SDF4: variants seen among roughly 807,000 people sequenced by gnomAD.
The protein encoded by SDF4 is 45 kDa calcium-binding protein.
SDF4 carries 22 observed loss-of-function variants against 34.2 expected under a neutral mutation model. The observed-to-expected ratio is 0.64, with a 90% CI of 0.46 to 0.92. The LOEUF (loss-of-function observed/expected upper bound fraction) is 0.92. Ranked by LOEUF, SDF4 falls within the 40% of genes least tolerant of loss-of-function variation. SDF4 has a pLI of 0.00. For missense variants in SDF4, 447 were observed against 499.9 expected (o/e 0.89, Z 1.01); for synonymous variants, 236 against 203.1 (o/e 1.16, Z -1.38).
chr1:1,217,736 C>T lies in SDF4; in HGVS notation c.892-48G>A. On this transcript the variant is annotated intron_variant, in intron 6 of 6. Transcript: ENST00000360001. This position sits in a 1 kb window ranked among gnomAD's most constrained non-coding sequence, Gnocchi z 8.5. ...TCAGCGTCGCCTTTCCCCCTCCGAG[C>T]TCCGCGGCCAGCCGCACGAAGTGGC... 6.2e-7 allele frequency: 1 copy of T among 1,610,548 alleles called. No individual in the cohort carries two copies. Among genetic ancestry groups the T allele is most frequent in the Non-Finnish European group, 8.5e-7 (1 of 1,178,710 alleles).
chr1:1,219,058 T>G lies in SDF4; in HGVS notation c.557-131A>C, dbSNP rs1008332172. ...GAGACCGGGGCCCCACCCTCCAGGA[T>G]TCACACGTCCCCAGAACATGGCCCA... On this transcript the variant is annotated intron_variant, in intron 4 of 6. Coordinates refer to ENST00000360001, the MANE Select transcript of SDF4 (RefSeq NM_016176.6). 1.4e-5 allele frequency: 22 copies of G among 1,579,008 alleles called. No homozygotes were observed. In the African/African-American group the frequency reaches 2.7e-4, roughly 20 times the overall value.
At chr1:1,223,209 T>G in intron 4 of SDF4, 35 bp downstream of exon 4, 35 of 1,450,922 alleles carry the variant, frequency 2.4e-5, no homozygotes, top group Non-Finnish European at 2.9e-5. Flanking sequence ...ACAGGATGCC[T>G]GAGACCGGTG....
intron 4 of SDF4, chr1:1,219,158 A>G: frequency 7.1e-7 from 1 of 1,407,642 alleles, no homozygotes; most frequent in Admixed American, 2.5e-5. Flanking sequence ...CCAAAGGCAT[A>G]GCTTGGACCC....
intron 2 of SDF4, chr1:1,227,323 C>CGGCGG (rs1557520978): frequency 1.0e-4 from 15 of 148,900 alleles, no homozygotes; most frequent in South Asian, 3.9e-4. Flanking sequence ...CCAGGCCCTG[C>CGGCGG]GGGAAGGCGA....
At position 1,228,470 on chromosome 1, in the gene SDF4, G is replaced by A; in HGVS notation, c.303C>T (p.Ser101=). The part of the protein sequence containing the change: ...RSRRKLMVIF[S]KVDVNTDRKI... ...TCTGGGCACATGGCGGCACCTACTT[G>A]GAAAAGATGACCATCAGCTTCCTCC... Residue 101 remains serine (S), a splice_region_variant and synonymous_variant, in exon 2 of 7, where the codon TCC becomes TCT. Transcript: ENST00000360001. 2 of 1,600,766 alleles carry A rather than the reference G, an allele frequency of 1.2e-6. No individual in the cohort carries two copies. The highest frequency in any genetic ancestry group is 1.7e-6 in the Non-Finnish European group (2 of 1,171,906).
At chr1:1,220,626 C>T (rs1649889820) in intron 4 of SDF4, 9 of 1,289,020 alleles carry the variant, frequency 7.0e-6, no homozygotes, top group Non-Finnish European at 8.1e-6. Flanking sequence ...GCATGGGGAC[C>T]CCCAAAACGC....
rs964638148 is a variant in SDF4, at chr1:1,217,313, G to A, written c.*199C>T. 15 of 274,146 alleles carry A rather than the reference G, an allele frequency of 5.5e-5. No individual in the cohort carries two copies. Among genetic ancestry groups the A allele is most frequent in the African/African-American group, 2.3e-4 (10 of 43,538 alleles). The allele number at this position is 274,146 out of a possible 1,614,324, so 17.0% of individuals were successfully genotyped here. A position where few individuals can be genotyped will look rare whatever the true frequency, so the allele number is the denominator to read the frequency against. ...GGGCCACAGCCCAGCCCCGCGCCCCGACCGCGTCACAGCCAAAGCCCCGCC... is the reference window on the plus strand; with the variant it reads ...GGGCCACAGCCCAGCCCCGCGCCCCAACCGCGTCACAGCCAAAGCCCCGCC... On this transcript the variant is annotated 3_prime_UTR_variant, in exon 7 of 7. Coordinates refer to ENST00000360001, the MANE Select transcript of SDF4 (RefSeq NM_016176.6). The surrounding 1 kb of genome is among the most constrained non-coding windows in gnomAD (Gnocchi z 8.5).
At chr1:1,219,499 C>T in intron 4 of SDF4, 3 of 995,300 alleles carry the variant, frequency 3.0e-6, no homozygotes, top group Non-Finnish European at 3.6e-6. Context: ...ACTCACTGCC[C>T]TTTTCCGTTT....
chr1:1,228,351 C>T (rs908955279), intron 2 of SDF4, 117 bp downstream of exon 2: 3 of 1,193,558 alleles, frequency 2.5e-6, no homozygotes, highest in African/African-American at 1.5e-5. Context: ...CACGTCTTCC[C>T]AGCCCGGCAG....
chr1:1,218,779 G>A lies in SDF4; in HGVS notation c.705C>T (p.Val235=). 1 of 1,612,350 alleles carries A rather than the reference G, an allele frequency of 6.2e-7. No individual in the cohort carries two copies. Among genetic ancestry groups the A allele is most frequent in the Admixed American group, 1.7e-5 (1 of 59,982 alleles). Residue 235 remains valine (V), a synonymous_variant, in exon 5 of 7, where the codon GTC becomes GTT. Coordinates refer to ENST00000360001, the MANE Select transcript of SDF4 (RefSeq NM_016176.6). This position sits in a 1 kb window ranked among gnomAD's most constrained non-coding sequence, Gnocchi z 7.9. Reference sequence around the variant, plus strand: ...TGGACCCAGCCTCACCCAGGTCCCGGACGATCTCCTTCACCATGAACCTGA... The same window carrying A: ...TGGACCCAGCCTCACCCAGGTCCCGAACGATCTCCTTCACCATGAACCTGA... ...GMLRFMVKEI[V]RDLDQDGDKQ...
chr1:1,219,397 C>A lies in SDF4; in HGVS notation c.557-470G>T, dbSNP rs192737701. On this transcript the variant is annotated intron_variant, in intron 4 of 6. Coordinates refer to ENST00000360001, the MANE Select transcript of SDF4 (RefSeq NM_016176.6). ...CATGCCTGGGACCCCTCAGGATGGG[C>A]CTGGGCCCCACCCCCCACACCCGCG... 20 of 1,032,310 alleles carry A rather than the reference C, an allele frequency of 1.9e-5. No individual in the cohort carries two copies. In the East Asian group the frequency reaches 1.8e-3, roughly 95 times the overall value. 63.9% of individuals were successfully genotyped at this position (1,032,310 alleles called of 1,614,324 possible). A position where few individuals can be genotyped will look rare whatever the true frequency, so the allele number is the denominator to read the frequency against.
At chr1:1,229,121 C>T (rs4970426) in intron 1 of SDF4, among the ~76,000 whole-genome samples, 175 bp from the exon 2 acceptor site, 3 of 151,940 alleles carry the variant, frequency 2.0e-5, no homozygotes, top group Non-Finnish European at 4.4e-5. Context: ...TTGTTTTCTC[C>T]GGGCCACACG....
intron 1 of SDF4, among the ~76,000 whole-genome samples, chr1:1,230,584 C>G (rs1638463268): frequency 6.6e-6 from 1 of 152,178 alleles, no homozygotes; most frequent in Non-Finnish European, 1.5e-5. Context: ...CCTCGGCCTC[C>G]CAGTTAGCTG....
intron 4 of SDF4, among the ~76,000 whole-genome samples, chr1:1,222,628 G>T (rs534426724): frequency 6.6e-6 from 1 of 152,384 alleles, no homozygotes; most frequent in African/African-American, 2.4e-5. Context: ...TCAGAGTACG[G>T]GGCAGGCCCC....
chr1:1,225,603 C>T (rs1425287846), intron 2 of SDF4, among the ~76,000 whole-genome samples: 1 of 152,190 alleles, frequency 6.6e-6, no homozygotes, highest in Non-Finnish European at 1.5e-5. Context: ...GGGACGGGGC[C>T]ACCCGGGTGG....
intron 3 of SDF4, 97 bp from the exon 4 acceptor site, chr1:1,223,454 C>T (rs977444346): frequency 5.0e-5 from 46 of 928,436 alleles, no homozygotes; most frequent in Non-Finnish European, 7.1e-5. Context: ...AGGCTGGAAG[C>T]GGCAGGATGC....
At chr1:1,220,980 C>G in intron 4 of SDF4, 1 of 356,660 alleles carries the variant, frequency 2.8e-6, no homozygotes, top group South Asian at 2.1e-5. Context: ...TTTGGCCGGG[C>G]ACTGGGGCTT....
rs927786900 is a variant in SDF4, at chr1:1,218,444, G to A, written c.891+14C>T. ...GCAGGGCCGGCTCCGGGACACGGCT[G>A]CGCCAGGGCTCACCTCCAGCTCCTC... On this transcript the variant is annotated intron_variant, in intron 6 of 6. Transcript: ENST00000360001. The surrounding 1 kb of genome is among the most constrained non-coding windows in gnomAD (Gnocchi z 7.9). The A allele has an allele frequency of 1.3e-5, 21 of 1,607,204 alleles. No homozygotes were observed. Among genetic ancestry groups the A allele is most frequent in the Non-Finnish European group, 1.6e-5 (19 of 1,179,226 alleles).
At position 1,218,618 on chromosome 1, in the gene SDF4, T is replaced by G; in HGVS notation, c.731A>C (p.Lys244Thr). The G allele has an allele frequency of 6.2e-7, 1 of 1,613,922 alleles. No homozygotes were observed. Among genetic ancestry groups the G allele is most frequent in the African/African-American group, 1.3e-5 (1 of 75,050 alleles). ...IVRDLDQDGD[K>T]QLSVPEFISL... ...GATGAACTCGGGCACAGAGAGCTGC[T>G]TGTCACCGTCCTGGTCTGCGAGACG... Residue 244 changes from lysine to threonine, a missense_variant, in exon 6 of 7, where the codon AAG (lysine) becomes ACG (threonine). Physicochemically the swap from Lys to Thr is moderately conservative, Grantham distance 78. Coordinates refer to ENST00000360001, the MANE Select transcript of SDF4 (RefSeq NM_016176.6). The surrounding 1 kb of genome is among the most constrained non-coding windows in gnomAD (Gnocchi z 7.9).
Sources: gnomAD v4.1 joint callset for allele counts (sites outside exome capture counted in the v4.1 genomes callset) on GRCh38, gnomAD v4.1.1 for gene constraint, Gnocchi (gnomAD v3.1) non-coding constraint, MANE v1.5 for transcripts, NCBI Gene and HGNC (gene_info 2026-07-23, HGNC 2026-07-21) for gene names.